Variants in CNTN4 observed in about 807,000 individuals in gnomAD.
CNTN4 encodes the protein contactin 4.
CNTN4 carries 77 observed loss-of-function variants against 122.5 expected under a neutral mutation model. The ratio of observed to expected loss-of-function variants is 0.63; its 90% CI spans 0.52 to 0.76. CNTN4 has a LOEUF of 0.76. CNTN4 is among the 30% of genes least tolerant of loss of function. The pLI, the probability that CNTN4 is intolerant of heterozygous loss-of-function variation, is 0.00. For missense variants in CNTN4, 1,256 were observed against 1,259.1 expected (o/e 1.00, Z 0.04); for synonymous variants, 512 against 447.0 (o/e 1.15, Z -1.83).
intron 4 of CNTN4, among the ~76,000 whole-genome samples, chr3:2,711,348 A>C (rs2087139334): frequency 1.3e-5 from 2 of 152,206 alleles, no homozygotes; most frequent in African/African-American, 2.4e-5. Flanking sequence ...GGAGTGTTAC[A>C]AAGCCTCCTG....
At position 2,716,397 on chromosome 3, in the gene CNTN4, A is replaced by C. The variant is rs143257097; in HGVS notation, c.56-19818A>C. Among the ~76,000 whole-genome samples the C allele has an allele frequency of 1.7e-3, 265 of 151,796 alleles. 2 individuals carry two copies. Among genetic ancestry groups the C allele is most frequent in the African/African-American group, 6.2e-3 (258 of 41,458 alleles). Reference sequence around the variant, plus strand: ...GATTGTTTTAAGGATTAAGTGAGATACTCTATGTAAAGCACATTGCGTAGT... The same window carrying C: ...GATTGTTTTAAGGATTAAGTGAGATCCTCTATGTAAAGCACATTGCGTAGT... On this transcript the variant is annotated intron_variant, in intron 4 of 24. Transcript: ENST00000418658.
At chr3:2,946,094 C>T (rs572503223) in intron 13 of CNTN4, among the ~76,000 whole-genome samples, 1 of 152,220 alleles carries the variant, frequency 6.6e-6, no homozygotes, top group African/African-American at 2.4e-5. Context: ...TAGAGATAAA[C>T]AGATGAGTGG....
At chr3:2,277,264 G>T (rs1385785336) in intron 2 of CNTN4, among the ~76,000 whole-genome samples, 2 of 150,968 alleles carry the variant, frequency 1.3e-5, no homozygotes, top group African/African-American at 4.9e-5. Context: ...GAGAAAGGTG[G>T]TGCAAACTTA....
chr3:2,340,882 A>G (rs749985999), intron 3 of CNTN4, among the ~76,000 whole-genome samples: 2 of 151,780 alleles, frequency 1.3e-5, no homozygotes, highest in Non-Finnish European at 2.9e-5. Flanking sequence ...ATTATTTCCT[A>G]TGAGTCTTTG....
intron 2 of CNTN4, among the ~76,000 whole-genome samples, chr3:2,286,224 C>T (rs62245010): frequency 0.24 from 22,639 of 96,032 alleles, 2,106 homozygotes; most frequent in East Asian, 0.49. Context: ...TGTGTGTGTG[C>T]ATACACCCCC....
intron 3 of CNTN4, among the ~76,000 whole-genome samples, chr3:2,560,430 C>G (rs552916221): frequency 3.3e-5 from 5 of 152,278 alleles, no homozygotes; most frequent in African/African-American, 1.2e-4. Flanking sequence ...ATGTGAGCCA[C>G]CATGCCTGGC....
At chr3:2,412,879 T>TCTTG (rs1021191149) in intron 3 of CNTN4, among the ~76,000 whole-genome samples, 1 of 152,218 alleles carries the variant, frequency 6.6e-6, no homozygotes, top group African/African-American at 2.4e-5. Context: ...ATTAGCTGTA[T>TCTTG]CTTGCTTTTT....
intron 2 of CNTN4, among the ~76,000 whole-genome samples, chr3:2,306,454 ATGTC>A (rs1488532482): frequency 6.6e-6 from 1 of 152,144 alleles, no homozygotes; most frequent in Non-Finnish European, 1.5e-5. Context: ...CTTTGGATAA[ATGTC>A]TGTTCAAATT....
chr3:3,042,475 A>T, intron 21 of CNTN4, 53 bp downstream of exon 21: 1 of 1,112,136 alleles, frequency 9.0e-7, no homozygotes, highest in Non-Finnish European at 1.4e-6. Context: ...GCCCCTTGAT[A>T]AGTCCTCCAA....
chr3:2,450,289 C>T (rs1049719478), intron 3 of CNTN4, among the ~76,000 whole-genome samples: 3 of 151,990 alleles, frequency 2.0e-5, no homozygotes, highest in East Asian at 1.9e-4. Context: ...ATCACTTGAG[C>T]CTGGGAGGTC....
chr3:2,652,021 GTT>G (rs1367061497), intron 4 of CNTN4, among the ~76,000 whole-genome samples: 2 of 143,942 alleles, frequency 1.4e-5, no homozygotes, highest in Non-Finnish European at 1.5e-5. Context: ...AAAAGGTGTT[GTT>G]TTTTTTTTTT....
chr3:2,958,845 G>A (rs1487449965), intron 13 of CNTN4, among the ~76,000 whole-genome samples: 1 of 152,088 alleles, frequency 6.6e-6, no homozygotes, highest in Non-Finnish European at 1.5e-5. Flanking sequence ...GCTCAACCTA[G>A]GAAGTCTAGA....
intron 3 of CNTN4, among the ~76,000 whole-genome samples, chr3:2,444,356 A>G (rs2653495): frequency 0.55 from 83,918 of 151,870 alleles, 24,904 homozygotes; most frequent in Non-Finnish European, 0.67. Context: ...TGTTCCGGAG[A>G]GTCCTCTCTG....
At chr3:2,244,791 G>A (rs937381031) in intron 2 of CNTN4, among the ~76,000 whole-genome samples, 22 of 151,862 alleles carry the variant, frequency 1.4e-4, no homozygotes, top group Admixed American at 7.9e-4. Flanking sequence ...AGGGAACAGG[G>A]TAAGTCAGCC....
chr3:2,561,472 C>T (rs1320217776), intron 3 of CNTN4, among the ~76,000 whole-genome samples: 1 of 152,104 alleles, frequency 6.6e-6, no homozygotes, highest in Non-Finnish European at 1.5e-5. Flanking sequence ...TCCTCCAGTG[C>T]TCAGTGGGAA....
intron 3 of CNTN4, among the ~76,000 whole-genome samples, chr3:2,419,575 C>A (rs919438030): frequency 6.6e-5 from 10 of 152,050 alleles, no homozygotes; most frequent in Admixed American, 5.2e-4. Context: ...AAGTCTGCAA[C>A]TAAAAGATAA....
intron 13 of CNTN4, among the ~76,000 whole-genome samples, chr3:2,954,898 C>G (rs1221072264): frequency 6.6e-6 from 1 of 152,062 alleles, no homozygotes; most frequent in Non-Finnish European, 1.5e-5. Context: ...TTCTGACTGT[C>G]AGAATTAAAT....
At chr3:3,010,067 G>C (rs934450403) in intron 14 of CNTN4, among the ~76,000 whole-genome samples, 2 of 152,054 alleles carry the variant, frequency 1.3e-5, no homozygotes, top group South Asian at 2.1e-4. Context: ...CAGCTTCACT[G>C]TATGAACACT....
At chr3:2,254,578 C>T (rs575296134) in intron 2 of CNTN4, among the ~76,000 whole-genome samples, 8 of 152,252 alleles carry the variant, frequency 5.3e-5, no homozygotes, top group African/African-American at 1.9e-4. Context: ...TTAATGATCT[C>T]CAATCTAACT....
Sources: allele counts gnomAD v4.1 joint callset (sites outside exome capture counted in the v4.1 genomes callset), GRCh38; gene constraint gnomAD v4.1.1; transcripts MANE v1.5; gene names NCBI Gene and HGNC (gene_info 2026-07-23, HGNC 2026-07-21).